ATRX: variants seen among roughly 807,000 people sequenced by gnomAD.
The protein encoded by ATRX is ATRX chromatin remodeler.
ATRX carries 12 observed loss-of-function variants against 172.6 expected under a neutral mutation model. The observed-to-expected ratio is 0.07, with a 90% CI of 0.04 to 0.11. ATRX has a LOEUF of 0.11. Ranked by LOEUF, ATRX falls within the 10% of genes least tolerant of loss-of-function variation. The pLI, the probability that ATRX is intolerant of heterozygous loss-of-function variation, is 1.00. For synonymous variants in ATRX, 674 were observed against 594.7 expected (o/e 1.13, Z -1.94); for missense variants, 1,368 against 1,767.4 (o/e 0.77, Z 4.05).
chrX:77,591,488 C>G (rs1037858518), intron 26 of ATRX, among the ~76,000 whole-genome samples: 1 of 112,065 alleles, frequency 8.9e-6, no homozygotes, highest in Non-Finnish European at 1.9e-5. Flanking sequence ...TCCTGAAGAT[C>G]CTTCAACATT....
intron 26 of ATRX, among the ~76,000 whole-genome samples, chrX:77,590,611 CA>C (rs782519159): frequency 3.9e-3 from 128 of 32,415 alleles, no homozygotes; most frequent in African/African-American, 9.8e-3. Flanking sequence ...GACTCTGTCT[CA>C]AAAAAAAAAA....
intron 25 of ATRX, chrX:77,596,683 A>C (rs782130919): frequency 9.9e-5 from 11 of 110,655 alleles, no homozygotes; most frequent in African/African-American, 3.6e-4. Flanking sequence ...GTGCTTTCCA[A>C]CCCATTCACA....
In ATRX at chrX:77,683,065, A is replaced by G. The variant is rs2071340254; in HGVS notation, c.2191T>C (p.Ser731Pro). 1.5e-5 allele frequency: 18 copies of G among 1,210,790 alleles called. No individual in the cohort carries two copies. The highest frequency in any genetic ancestry group is 2.0e-5 in the Non-Finnish European group (18 of 895,066). Reference sequence around the variant, plus strand: ...TTGAGGATTGCTAGCATTTCATCAGAATCTGAATTTTGATCCACAGTCTCT... The same window carrying G: ...TTGAGGATTGCTAGCATTTCATCAGGATCTGAATTTTGATCCACAGTCTCT... ...QSETVDQNSD[S>P]DEMLAILKEV... Residue 731 changes from serine (S) to proline (P), a missense_variant, in exon 9 of 35, where the codon TCT (serine) becomes CCT (proline). Physicochemically the swap from Ser to Pro is moderately conservative, Grantham distance 74. This residue lies in a region of ATRX where 843 missense variants were observed against 643.1 expected (regional missense o/e 1.31). Coordinates refer to ENST00000373344, the MANE Select transcript of ATRX (RefSeq NM_000489.6).
chrX:77,765,899 G>A (rs1453527589), intron 1 of ATRX, among the ~76,000 whole-genome samples: 3 of 108,184 alleles, frequency 2.8e-5, no homozygotes, highest in Non-Finnish European at 3.8e-5. Context: ...GATTCTTAAC[G>A]AGCATGCTGC....
intron 30 of ATRX, among the ~76,000 whole-genome samples, chrX:77,537,948 T>C (rs2063811293): frequency 9.0e-6 from 1 of 111,335 alleles, no homozygotes; most frequent in South Asian, 3.8e-4. Context: ...AAATGTGGTA[T>C]GTGCATGTTC....
At chrX:77,523,520 GATATAT>G in intron 30 of ATRX, 119 bp from the exon 31 acceptor site, 3 of 706,647 alleles carry the variant, frequency 4.2e-6, no homozygotes, top group Non-Finnish European at 6.3e-6. Context: ...ATATATTTCT[GATATAT>G]ATGACAGATT....
chrX:77,741,709 G>C (rs1353856201), intron 1 of ATRX, among the ~76,000 whole-genome samples: 1 of 111,383 alleles, frequency 9.0e-6, no homozygotes, highest in African/African-American at 3.3e-5. Flanking sequence ...TGATCCACCC[G>C]CCTCAGCCTC....
chrX:77,720,531 G>C (rs1372211648), intron 1 of ATRX, among the ~76,000 whole-genome samples: 2 of 112,012 alleles, frequency 1.8e-5, no homozygotes, highest in African/African-American at 3.2e-5. Context: ...ACTACCATCA[G>C]AGAATACTAT....
At chrX:77,698,948 A>C (rs2072344722) in intron 2 of ATRX, 2 of 300,147 alleles carry the variant, frequency 6.7e-6, no homozygotes, top group Non-Finnish European at 1.2e-5. Flanking sequence ...AAAATAAAAA[A>C]CATACTACCA....
intron 1 of ATRX, among the ~76,000 whole-genome samples, chrX:77,765,681 A>AT (rs200522391): frequency 5.5e-5 from 6 of 109,489 alleles, no homozygotes; most frequent in African/African-American, 6.6e-5. Context: ...TTTTTTTTTA[A>AT]TTTTTTTTAT....
chrX:77,704,889 G>GC (rs1366224097), intron 2 of ATRX, among the ~76,000 whole-genome samples: 8 of 111,987 alleles, frequency 7.1e-5, no homozygotes, highest in South Asian at 3.7e-4. Flanking sequence ...TGGGTCTGCA[G>GC]CCCCCCCATG....
At chrX:77,765,085 T>C (rs1458067073) in intron 1 of ATRX, among the ~76,000 whole-genome samples, 1 of 110,994 alleles carries the variant, frequency 9.0e-6, no homozygotes, top group Non-Finnish European at 1.9e-5. Flanking sequence ...GAGAATTGCT[T>C]TAACCCAGGA....
At position 77,684,074 on chromosome X, in the gene ATRX, A is replaced by G. The variant is rs1557142198; in HGVS notation, c.1182T>C (p.Ala394=). ...SSATKLRQLK[A]FKSVLADIKK... ...TAATATCAGCCAACACAGACTTAAA[A>G]GCCTTAAGCTGACGTAATTTTGTAG... The change falls in exon 9 of 35, where the codon GCT becomes GCC. Residue 394 remains alanine, a synonymous_variant. Transcript: ENST00000373344. The G allele has an allele frequency of 8.3e-7, 1 of 1,208,623 alleles. No individual in the cohort carries two copies. Among genetic ancestry groups the G allele is most frequent in the East Asian group, 3.0e-5 (1 of 33,849 alleles).
Position 77,684,044 on chromosome X carries a change from C to G in ATRX, c.1212G>C (p.Lys404Asn), listed in dbSNP as rs2071413817. The change falls in exon 9 of 35, where the codon AAG becomes AAC. Residue 404 changes from lysine (K) to asparagine (N), a missense_variant. Physicochemically the swap from Lys to Asn is moderately conservative, Grantham distance 94. Transcript: ENST00000373344. ...AFKSVLADIK[K>N]AHLALEEDLN... ...AGTCTTCTTCCAATGCAAGATGAGCCTTCTTAATATCAGCCAACACAGACT... is the reference window on the plus strand; with the variant it reads ...AGTCTTCTTCCAATGCAAGATGAGCGTTCTTAATATCAGCCAACACAGACT... The G allele has an allele frequency of 1.7e-6, 2 of 1,206,999 alleles. No individual in the cohort carries two copies. The highest frequency in any genetic ancestry group is 4.3e-5 in the Admixed American group (2 of 46,020).
chrX:77,649,174 AAAAG>A (rs782292282), intron 15 of ATRX, among the ~76,000 whole-genome samples: 30 of 109,642 alleles, frequency 2.7e-4, no homozygotes, highest in Admixed American at 1.4e-3. Context: ...GAAAGAAAGA[AAAAG>A]AAAGAAAGAA....
intron 15 of ATRX, among the ~76,000 whole-genome samples, chrX:77,636,699 TCAA>T (rs1227921626): frequency 1.2e-4 from 13 of 108,866 alleles, no homozygotes; most frequent in South Asian, 1.2e-3. Flanking sequence ...CCTGGATATT[TCAA>T]CAACATTTAT....
chrX:77,663,761 A>G (rs893229203), intron 11 of ATRX, among the ~76,000 whole-genome samples: 5 of 112,035 alleles, frequency 4.5e-5, no homozygotes, highest in African/African-American at 1.6e-4. Context: ...TATCACCTAT[A>G]TATTTATAGA....
chrX:77,535,089 G>A (rs1645297341), intron 30 of ATRX, among the ~76,000 whole-genome samples: 1 of 111,630 alleles, frequency 9.0e-6, no homozygotes, highest in South Asian at 3.7e-4. Context: ...TAATATTCCT[G>A]GTCAAAAAGC....
At chrX:77,660,799 C>T (rs1028584181) in intron 12 of ATRX, among the ~76,000 whole-genome samples, 1 of 110,722 alleles carries the variant, frequency 9.0e-6, no homozygotes, top group Admixed American at 9.7e-5. Flanking sequence ...CCTTAGCTTT[C>T]CATTTGTAAA....
Sources: allele counts gnomAD v4.1 joint callset (sites outside exome capture counted in the v4.1 genomes callset), GRCh38; gene constraint gnomAD v4.1.1; regional missense constraint gnomAD v4.1.1; transcripts MANE v1.5; gene names NCBI Gene and HGNC (gene_info 2026-07-23, HGNC 2026-07-21).